TRANK1: variants seen among roughly 807,000 people sequenced by gnomAD.
The protein encoded by TRANK1 is TPR and ankyrin repeat-containing protein 1.
Under a neutral mutation model 266.0 loss-of-function variants are expected in TRANK1, and 198 were observed. The ratio of observed to expected loss-of-function variants is 0.74; its 90% CI spans 0.66 to 0.84. The LOEUF (loss-of-function observed/expected upper bound fraction) is 0.84. Ranked by LOEUF, TRANK1 falls within the 40% of genes least tolerant of loss-of-function variation. TRANK1 has a pLI of 0.00. For synonymous variants in TRANK1, 1,396 were observed against 1,384.1 expected (o/e 1.01, Z -0.19); for missense variants, 3,326 against 3,634.6 (o/e 0.92, Z 2.18).
intron 1 of TRANK1, among the ~76,000 whole-genome samples, chr3:36,928,632 T>TA (rs1469125530): frequency 6.6e-6 from 1 of 152,146 alleles, no homozygotes; most frequent in African/African-American, 2.4e-5. Flanking sequence ...CCTGAGGATA[T>TA]AGACACAGAT....
rs111661937 is a variant in TRANK1, at chr3:36,850,863, G to A, written c.4887+856C>T. 2.0e-3 allele frequency: 2,005 copies of A among 985,368 alleles called. 29 individuals are homozygous for A. The African/African-American group carries it at 0.033, about 16-fold the overall frequency. 61.0% of individuals were successfully genotyped at this position (985,368 alleles called of 1,614,324 possible). ...TAAAGCCAACAGTGCTCTTGACTTG[G>A]GTATAACATAGCCCCTTCAAGCATG... On this transcript the variant is annotated intron_variant, in intron 15 of 23. Coordinates refer to ENST00000645898, the MANE Select transcript of TRANK1 (RefSeq NM_001329998.2).
intron 17 of TRANK1, 79 bp downstream of exon 17, chr3:36,846,169 C>G: frequency 7.4e-7 from 1 of 1,349,452 alleles, no homozygotes; most frequent in Non-Finnish European, 9.9e-7. Flanking sequence ...AAATACCACA[C>G]CTTTTATTCC....
intron 21 of TRANK1, 67 bp from the exon 22 acceptor site, chr3:36,833,986 T>G (rs1471332739): frequency 6.8e-7 from 1 of 1,478,278 alleles, no homozygotes; most frequent in African/African-American, 1.4e-5. Flanking sequence ...TCCTCCAAAA[T>G]ACAGTGCAGA....
At chr3:36,846,141 A>C in intron 17 of TRANK1, 107 bp downstream of exon 17, 1 of 1,186,758 alleles carries the variant, frequency 8.4e-7, no homozygotes, top group South Asian at 1.7e-5. Context: ...ATTGTGGAAA[A>C]GAAAGAAAGC....
At chr3:36,939,914 G>A (rs1017754153) in intron 1 of TRANK1, among the ~76,000 whole-genome samples, 14 of 151,134 alleles carry the variant, frequency 9.3e-5, no homozygotes, top group Admixed American at 5.3e-4. Flanking sequence ...CTTTTGAGAC[G>A]GAGTCTTGCT....
rs142338927 is a variant in TRANK1, at chr3:36,934,606, T to C, written c.23+10181A>G. ...GCCCTGGGTATCTCTGGTCACAGTATTCCTTCCTGTAGTACCTGACAAGGC... is the reference window on the plus strand; with the variant it reads ...GCCCTGGGTATCTCTGGTCACAGTACTCCTTCCTGTAGTACCTGACAAGGC... On this transcript the variant is annotated intron_variant, in intron 1 of 23. Coordinates refer to ENST00000645898, the MANE Select transcript of TRANK1 (RefSeq NM_001329998.2). 3.3e-5 allele frequency among the ~76,000 whole-genome samples: 5 copies of C among 152,270 alleles called. No individual in the cohort carries two copies. In the East Asian group the frequency reaches 9.7e-4, roughly 29 times the overall value.
In TRANK1 at chr3:36,857,150, T is replaced by C; in HGVS notation, c.2572A>G (p.Lys858Glu). ...SKVMTKVIKK[K>E]IILAIQQLGN... The stretch of plus-strand genomic sequence containing the variant: ...AGCTGCTGAATGGCAAGGATGATTT[T>C]CTTCTTGATGACCTTGGTCATTACC... Residue 858 changes from lysine (K) to glutamate (E), a missense_variant, in exon 13 of 24, where the codon AAA becomes GAA. Transcript: ENST00000645898. The surrounding 1 kb of genome is among the most constrained non-coding windows in gnomAD (Gnocchi z 4.3). 6.2e-7 allele frequency: 1 copy of C among 1,614,014 alleles called. No individual in the cohort carries two copies. Among genetic ancestry groups the C allele is most frequent in the Non-Finnish European group, 8.5e-7 (1 of 1,179,906 alleles).
intron 8 of TRANK1, among the ~76,000 whole-genome samples, chr3:36,888,823 G>A (rs1165522870): frequency 1.3e-5 from 2 of 152,278 alleles, no homozygotes; most frequent in African/African-American, 2.4e-5. Context: ...TTGGGAGGCC[G>A]AGGCAGGTGG....
chr3:36,885,994 G>A (rs2079597576), intron 8 of TRANK1, among the ~76,000 whole-genome samples: 1 of 152,068 alleles, frequency 6.6e-6, no homozygotes, highest in Non-Finnish European at 1.5e-5. Context: ...AGAAGATGAA[G>A]AGGGTATGGG....
rs760432778 is a variant in TRANK1 at position 36,830,874 on chromosome 3, G to A, written c.8709C>T (p.Gly2903=). The part of the protein sequence containing the change: ...EDLYRRKAWA[G]AEEAMTRLVN... ...GCCCCCATCTCTGCAGACCCTTACC[G>A]CCAGCCCAGGCCTTCCGCCTGTAGA... The change falls in exon 22 of 24, where the codon GGC becomes GGT. Residue 2903 remains glycine, a splice_region_variant and synonymous_variant. Transcript: ENST00000645898. 4.9e-5 allele frequency: 78 copies of A among 1,596,938 alleles called. No homozygotes were observed. Among genetic ancestry groups the A allele is most frequent in the East Asian group, 1.1e-4 (5 of 44,632 alleles).
intron 15 of TRANK1, chr3:36,851,196 G>C (rs1448145954): frequency 1.0e-6 from 1 of 985,724 alleles, no homozygotes; most frequent in Non-Finnish European, 1.2e-6. Context: ...GCTGCAAGCA[G>C]TGGTAGTGAA....
At chr3:36,836,670 C>A (rs1310697481) in intron 20 of TRANK1, among the ~76,000 whole-genome samples, 2 of 152,190 alleles carry the variant, frequency 1.3e-5, no homozygotes, top group Non-Finnish European at 2.9e-5. Context: ...GTGGGCTTGC[C>A]ATGAACAGAA....
chr3:36,860,596 G>A (rs763694054), intron 11 of TRANK1, among the ~76,000 whole-genome samples: 4 of 152,150 alleles, frequency 2.6e-5, no homozygotes, highest in Non-Finnish European at 5.9e-5. Context: ...AATGACTGCT[G>A]TAGGCTAAAC....
At chr3:36,914,918 G>A (rs546503102) in intron 1 of TRANK1, among the ~76,000 whole-genome samples, 9 of 151,734 alleles carry the variant, frequency 5.9e-5, no homozygotes, top group Non-Finnish European at 1.0e-4. Flanking sequence ...GATTACAGGC[G>A]TGAGCCACCA....
chr3:36,856,308 GTCCTCTTCCTCCTCCTCT>G lies in TRANK1; in HGVS notation c.3396_3413del (p.Glu1132_Glu1137del). ...CTTCAATAGAATCTTCCTCTTCCTCGTCCTCTTCCTCCTCCTCTTCCTCCCCACCTGGACTCTCTTTTC... is the reference window on the plus strand; with the variant it reads ...CTTCAATAGAATCTTCCTCTTCCTCGTCCTCCCCACCTGGACTCTCTTTTC... On this transcript the variant is annotated inframe_deletion, in exon 13 of 24. Transcript: ENST00000645898. 6.3e-7 allele frequency: 1 copy of G among 1,579,618 alleles called. No homozygotes were observed. The highest frequency in any genetic ancestry group is 8.6e-7 in the Non-Finnish European group (1 of 1,162,730).
intron 23 of TRANK1, among the ~76,000 whole-genome samples, chr3:36,828,987 G>A (rs2078661666): frequency 6.6e-6 from 1 of 152,164 alleles, no homozygotes; most frequent in Non-Finnish European, 1.5e-5. Flanking sequence ...TGGCTGGAAT[G>A]GGCAAAAGAA....
At chr3:36,852,038 G>A (rs1188043505) in intron 14 of TRANK1, 108 bp downstream of exon 14, 1 of 1,374,796 alleles carries the variant, frequency 7.3e-7, no homozygotes. Context: ...ACCCACTGTG[G>A]GACAGGGACT....
intron 20 of TRANK1, among the ~76,000 whole-genome samples, chr3:36,836,231 C>T (rs922596504): frequency 2.6e-5 from 4 of 152,250 alleles, no homozygotes; most frequent in African/African-American, 9.6e-5. Context: ...GCCAGCAAGC[C>T]TGCTCCTGGC....
chr3:36,843,481 C>T (rs567022084), intron 17 of TRANK1, among the ~76,000 whole-genome samples: 1 of 152,274 alleles, frequency 6.6e-6, no homozygotes, highest in Admixed American at 6.5e-5. Flanking sequence ...TAATCTGACA[C>T]ATTCCTATTG....
Sources: gnomAD v4.1 joint callset for allele counts (sites outside exome capture counted in the v4.1 genomes callset) on GRCh38, gnomAD v4.1.1 for gene constraint, Gnocchi (gnomAD v3.1) non-coding constraint, MANE v1.5 for transcripts, NCBI Gene and HGNC (gene_info 2026-07-23, HGNC 2026-07-21) for gene names.